Variants in TBC1D23 observed in about 807,000 individuals in gnomAD.
TBC1D23 encodes the protein HCV non-structural protein 4A-transactivated protein 1.
Under a neutral mutation model 91.4 loss-of-function variants are expected in TBC1D23, and 55 were observed. That is an observed-to-expected ratio of 0.60 (90% confidence interval 0.48 to 0.75). The LOEUF (loss-of-function observed/expected upper bound fraction) is 0.75, where lower values mean the gene tolerates loss of function less well. Among genes scored for constraint, TBC1D23 ranks in the 30% least tolerant of loss-of-function variants. The pLI, the probability that TBC1D23 is intolerant of heterozygous loss-of-function variation, is 0.00. For missense variants in TBC1D23, 725 were observed against 836.1 expected (o/e 0.87, Z 1.64); for synonymous variants, 289 against 281.0 (o/e 1.03, Z -0.28).
chr3:100,296,736 T>C (rs2148862308), intron 8 of TBC1D23, among the ~76,000 whole-genome samples: 1 of 151,644 alleles, frequency 6.6e-6, no homozygotes, highest in South Asian at 2.1e-4. Flanking sequence ...GGTGGGCGCC[T>C]GTAGTCCCAG....
Position 100,290,716 on chromosome 3 carries a change from G to GT in TBC1D23, c.600+16dup. 6.6e-7 allele frequency: 1 copy of GT among 1,521,926 alleles called. No homozygotes were observed. The highest frequency in any genetic ancestry group is 8.9e-7 in the Non-Finnish European group (1 of 1,128,976). 94.3% of individuals were successfully genotyped at this position (1,521,926 alleles called of 1,614,324 possible). A position where few individuals can be genotyped will look rare whatever the true frequency, so the allele number is the denominator to read the frequency against. On this transcript the variant is annotated intron_variant, in intron 5 of 18. Transcript: ENST00000394144. ...CACTCAACTGGGTAATAAAGTGAAA[G>GT]TAGGAACATTTAATGAAAAATAGAT...
intron 11 of TBC1D23, among the ~76,000 whole-genome samples, chr3:100,304,402 A>G (rs1191296882): frequency 2.0e-5 from 3 of 151,892 alleles, no homozygotes; most frequent in Non-Finnish European, 2.9e-5. Context: ...ACTTAGATCC[A>G]TTATGTTTTT....
intron 9 of TBC1D23, among the ~76,000 whole-genome samples, chr3:100,298,893 A>G (rs560323595): frequency 2.9e-4 from 44 of 152,344 alleles, no homozygotes; most frequent in African/African-American, 9.1e-4. Context: ...GCAAAAAAGA[A>G]TAGCATATCT....
At chr3:100,321,603 A>G (rs1705859148) in intron 18 of TBC1D23, among the ~76,000 whole-genome samples, 1 of 152,218 alleles carries the variant, frequency 6.6e-6, no homozygotes, top group Non-Finnish European at 1.5e-5. Context: ...ACCTTGCATC[A>G]GTTCAAGTTG....
intron 10 of TBC1D23, among the ~76,000 whole-genome samples, chr3:100,301,150 A>G (rs1413802527): frequency 6.6e-6 from 1 of 152,038 alleles, no homozygotes; most frequent in Non-Finnish European, 1.5e-5. Flanking sequence ...TATACATTTT[A>G]CTAGAGACCA....
intron 5 of TBC1D23, among the ~76,000 whole-genome samples, chr3:100,294,376 T>C (rs748155408): frequency 1.3e-5 from 2 of 151,962 alleles, no homozygotes; most frequent in African/African-American, 2.4e-5. Flanking sequence ...TTCTCCTGCC[T>C]CAGCCTCCCA....
intron 11 of TBC1D23, among the ~76,000 whole-genome samples, chr3:100,304,137 T>C (rs936265996): frequency 2.0e-5 from 3 of 152,178 alleles, no homozygotes; most frequent in African/African-American, 7.2e-5. Flanking sequence ...ATTTTTTCCT[T>C]GCATGTATTT....
At chr3:100,264,104 A>T (rs151249588) in intron 1 of TBC1D23, among the ~76,000 whole-genome samples, 17 of 152,322 alleles carry the variant, frequency 1.1e-4, no homozygotes, top group African/African-American at 4.1e-4. Flanking sequence ...CCAGAGGTTC[A>T]GTAAAGGCTC....
intron 1 of TBC1D23, among the ~76,000 whole-genome samples, chr3:100,265,743 T>G (rs1218990703): frequency 1.3e-5 from 2 of 152,138 alleles, no homozygotes; most frequent in African/African-American, 4.8e-5. Context: ...TTAATTAGGG[T>G]TTTTTATTGC....
chr3:100,276,758 T>C (rs1381427040), intron 1 of TBC1D23, among the ~76,000 whole-genome samples: 1 of 152,182 alleles, frequency 6.6e-6, no homozygotes. Context: ...AATAATGCTA[T>C]TGATAGATCA....
At chr3:100,285,830 C>T (rs547533382) in intron 4 of TBC1D23, among the ~76,000 whole-genome samples, 1 of 152,106 alleles carries the variant, frequency 6.6e-6, no homozygotes, top group African/African-American at 2.4e-5. Context: ...TGTTGAGCAT[C>T]TTTTTATGTG....
chr3:100,276,714 G>C (rs1391114022), intron 1 of TBC1D23, among the ~76,000 whole-genome samples: 5 of 152,144 alleles, frequency 3.3e-5, no homozygotes, highest in African/African-American at 1.2e-4. Context: ...ATCAGGTGAG[G>C]GGAAATTCTG....
chr3:100,301,981 G>T, intron 10 of TBC1D23, 86 bp from the exon 11 acceptor site: 1 of 912,928 alleles, frequency 1.1e-6, no homozygotes, highest in Non-Finnish European at 1.7e-6. Flanking sequence ...TTAAATATTG[G>T]GGTTTTTCCT....
chr3:100,274,684 A>C (rs934953087), intron 1 of TBC1D23, among the ~76,000 whole-genome samples: 2 of 150,748 alleles, frequency 1.3e-5, no homozygotes, highest in Non-Finnish European at 3.0e-5. Context: ...CACTTACCGT[A>C]ATGTTGTCAA....
intron 1 of TBC1D23, among the ~76,000 whole-genome samples, chr3:100,263,273 T>C (rs2148847058): frequency 6.6e-6 from 1 of 152,300 alleles, no homozygotes; most frequent in East Asian, 1.9e-4. Flanking sequence ...CACAAGGTAA[T>C]GTCATCAGTT....
intron 2 of TBC1D23, among the ~76,000 whole-genome samples, chr3:100,280,486 A>G (rs2067685297): frequency 6.6e-6 from 1 of 152,194 alleles, no homozygotes; most frequent in Non-Finnish European, 1.5e-5. Flanking sequence ...CAAAAGAAAT[A>G]CATATATTTG....
At chr3:100,300,888 C>T (rs575893434) in intron 10 of TBC1D23, among the ~76,000 whole-genome samples, 2 of 152,134 alleles carry the variant, frequency 1.3e-5, no homozygotes, top group South Asian at 2.1e-4. Flanking sequence ...TGTTTTGCCA[C>T]TTGATTTTTC....
chr3:100,319,301 C>T, intron 17 of TBC1D23, 97 bp downstream of exon 17: 2 of 979,340 alleles, frequency 2.0e-6, no homozygotes, highest in South Asian at 1.5e-5. Context: ...TATCCTAGTA[C>T]AATAAGATAT....
intron 10 of TBC1D23, 117 bp from the exon 11 acceptor site, chr3:100,301,950 C>A: frequency 4.4e-6 from 3 of 687,580 alleles, no homozygotes; most frequent in Non-Finnish European, 7.3e-6. Context: ...TTTTTTTCCC[C>A]TTCATTTTCA....
Sources: allele counts gnomAD v4.1 joint callset (sites outside exome capture counted in the v4.1 genomes callset), GRCh38; gene constraint gnomAD v4.1.1; transcripts MANE v1.5; gene names NCBI Gene and HGNC (gene_info 2026-07-23, HGNC 2026-07-21).